The following RYR2 variants were observed in gnomAD, a reference collection of about 807,000 sequenced individuals.
RYR2 encodes the protein cardiac muscle ryanodine receptor-calcium release channel.
RYR2 carries 227 observed loss-of-function variants against 601.1 expected under a neutral mutation model. The ratio of observed to expected loss-of-function variants is 0.38; its 90% CI spans 0.34 to 0.42. The LOEUF (loss-of-function observed/expected upper bound fraction) is 0.42, where lower values mean the gene tolerates loss of function less well. Ranked by LOEUF, RYR2 falls within the 10% of genes least tolerant of loss-of-function variation. The probability of loss-of-function intolerance (pLI) is 1.00; values close to 1 mark genes in which losing one functional copy is unlikely to be tolerated. For synonymous variants in RYR2, 2,223 were observed against 2,175.1 expected (o/e 1.02, Z -0.61); for missense variants, 4,646 against 6,156.5 (o/e 0.75, Z 8.21).
At chr1:237,607,279 AT>A (rs1182490798) in intron 35 of RYR2, among the ~76,000 whole-genome samples, 4 of 152,192 alleles carry the variant, frequency 2.6e-5, no homozygotes, top group South Asian at 4.1e-4. Flanking sequence ...TTGTAGGGAC[AT>A]GGATGAAGCT....
chr1:237,499,796 T>A (rs1032939985), intron 20 of RYR2, among the ~76,000 whole-genome samples: 1 of 152,224 alleles, frequency 6.6e-6, no homozygotes, highest in Admixed American at 6.5e-5. Context: ...AAAGTCTATT[T>A]TTGTCTTTGC....
chr1:237,492,917 G>C, intron 18 of RYR2, 37 bp from the exon 19 acceptor site: 4 of 1,545,038 alleles, frequency 2.6e-6, no homozygotes, highest in Non-Finnish European at 3.5e-6. Context: ...AAGCAGGGAG[G>C]GAGGGAGGAT....
At position 237,785,952 on chromosome 1, in the gene RYR2, C is replaced by G; in HGVS notation, c.13261-17C>G. The stretch of plus-strand genomic sequence containing the variant: ...ATGGGTAATCCTGGTTTTCTTTTCC[C>G]CATTGACTCATTCAAGGAACAGAAG... On this transcript the variant is annotated splice_polypyrimidine_tract_variant and intron_variant, in intron 90 of 104. Transcript: ENST00000366574. 6.4e-7 allele frequency: 1 copy of G among 1,565,832 alleles called. No individual in the cohort carries two copies. Among genetic ancestry groups the G allele is most frequent in the Non-Finnish European group, 8.7e-7 (1 of 1,146,196 alleles).
At chr1:237,799,436 A>C (rs1408411013) in intron 97 of RYR2, among the ~76,000 whole-genome samples, 1 of 152,204 alleles carries the variant, frequency 6.6e-6, no homozygotes, top group Admixed American at 6.5e-5. Context: ...ATAGAAGGGA[A>C]GTTTAGACTG....
intron 61 of RYR2, 116 bp from the exon 62 acceptor site, chr1:237,680,340 G>A: frequency 1.4e-6 from 1 of 734,926 alleles, no homozygotes; most frequent in East Asian, 2.6e-5. Context: ...GCCTGGCATG[G>A]ACATAAGGAG....
intron 1 of RYR2, among the ~76,000 whole-genome samples, chr1:237,138,037 T>A (rs986598325): frequency 6.6e-5 from 10 of 152,084 alleles, no homozygotes; most frequent in Admixed American, 6.6e-4. Context: ...TATTTTATTT[T>A]ATTTTATTTT....
At chr1:237,399,203 C>A (rs1332270316) in intron 10 of RYR2, among the ~76,000 whole-genome samples, 3 of 150,936 alleles carry the variant, frequency 2.0e-5, no homozygotes, top group Non-Finnish European at 4.4e-5. Context: ...TCAAAAAAAA[C>A]ATAAAAAATA....
At chr1:237,516,967 C>T (rs1666609840) in intron 24 of RYR2, among the ~76,000 whole-genome samples, 1 of 152,186 alleles carries the variant, frequency 6.6e-6, no homozygotes, top group Non-Finnish European at 1.5e-5. Context: ...AGTTCATACA[C>T]ACACGTGCAT....
chr1:237,458,750 A>G (rs1289215173), intron 16 of RYR2, among the ~76,000 whole-genome samples: 1 of 145,116 alleles, frequency 6.9e-6, no homozygotes, highest in African/African-American at 2.5e-5. Context: ...TAAAAAAAAA[A>G]AGAAAAAAGA....
At chr1:237,251,869 G>GTACCACCA (rs1687499593) in intron 1 of RYR2, among the ~76,000 whole-genome samples, 1 of 151,976 alleles carries the variant, frequency 6.6e-6, no homozygotes, top group Non-Finnish European at 1.5e-5. Flanking sequence ...TCGGTACATG[G>GTACCACCA]TACCACCATT....
At chr1:237,690,346 T>G (rs936901744) in intron 63 of RYR2, among the ~76,000 whole-genome samples, 1 of 152,150 alleles carries the variant, frequency 6.6e-6, no homozygotes, top group Non-Finnish European at 1.5e-5. Context: ...GAACCTGCAT[T>G]TTTTCATTGT....
intron 11 of RYR2, among the ~76,000 whole-genome samples, chr1:237,420,142 G>T (rs1705406664): frequency 6.6e-6 from 1 of 151,940 alleles, no homozygotes. Flanking sequence ...TCAGTATCAT[G>T]GCCTTTTTAA....
intron 84 of RYR2, among the ~76,000 whole-genome samples, chr1:237,766,856 A>G (rs1181299712): frequency 6.6e-6 from 1 of 152,166 alleles, no homozygotes; most frequent in Non-Finnish European, 1.5e-5. Context: ...TTGTCTTGGC[A>G]TCGGAAATAG....
chr1:237,714,243 A>G (rs1689074254), intron 71 of RYR2, among the ~76,000 whole-genome samples: 1 of 152,236 alleles, frequency 6.6e-6, no homozygotes, highest in Admixed American at 6.5e-5. Flanking sequence ...CACAGATTAT[A>G]GGCATGCAAC....
chr1:237,353,660 T>C (rs1699055249), intron 3 of RYR2, among the ~76,000 whole-genome samples: 2 of 152,134 alleles, frequency 1.3e-5, no homozygotes, highest in Non-Finnish European at 1.5e-5. Flanking sequence ...AAATAACTGT[T>C]GTTTCTTTTA....
At chr1:237,385,184 C>T (rs564195625) in intron 8 of RYR2, among the ~76,000 whole-genome samples, 4 of 152,088 alleles carry the variant, frequency 2.6e-5, no homozygotes, top group African/African-American at 4.8e-5. Flanking sequence ...CCACCATGCC[C>T]GGCCGTATTT....
intron 40 of RYR2, among the ~76,000 whole-genome samples, chr1:237,627,126 C>T (rs1397830962): frequency 6.6e-6 from 1 of 152,112 alleles, no homozygotes; most frequent in Non-Finnish European, 1.5e-5. Context: ...ATTGGTCACC[C>T]CACTTAATTT....
chr1:237,810,119 G>A (rs1661102319), intron 100 of RYR2, among the ~76,000 whole-genome samples: 1 of 151,942 alleles, frequency 6.6e-6, no homozygotes, highest in Admixed American at 6.5e-5. Context: ...AGAACGGTCT[G>A]AGTATGACAT....
chr1:237,057,091 C>A (rs1318873598), intron 1 of RYR2, among the ~76,000 whole-genome samples: 1 of 152,094 alleles, frequency 6.6e-6, no homozygotes, highest in African/African-American at 2.4e-5. Flanking sequence ...GATTGGAGGC[C>A]ACTGGTGTGA....
Sources: gnomAD v4.1 joint callset for allele counts (sites outside exome capture counted in the v4.1 genomes callset) on GRCh38, gnomAD v4.1.1 for gene constraint, MANE v1.5 for transcripts, NCBI Gene and HGNC (gene_info 2026-07-23, HGNC 2026-07-21) for gene names.